The following SPIDR variants were observed in gnomAD, a reference collection of about 807,000 sequenced individuals.
The protein encoded by SPIDR is scaffold protein involved in DNA repair, also known as DNA repair-scaffolding protein.
A neutral mutation model predicts 104.6 loss-of-function variants in SPIDR; 93 were observed. That is an observed-to-expected ratio of 0.89 (90% CI 0.75 to 1.06). The LOEUF (loss-of-function observed/expected upper bound fraction) is 1.06, where lower values mean the gene tolerates loss of function less well. Among genes scored for constraint, SPIDR ranks in the 50% least tolerant of loss-of-function variants. The probability of loss-of-function intolerance (pLI) is 0.00; values close to 1 mark genes in which losing one functional copy is unlikely to be tolerated. For synonymous variants in SPIDR, 431 were observed against 416.9 expected (o/e 1.03, Z -0.41); for missense variants, 1,154 against 1,111.2 (o/e 1.04, Z -0.55).
intron 17 of SPIDR, 32 bp from the exon 18 acceptor site, chr8:47,728,901 G>A (rs2084747599): frequency 3.8e-6 from 6 of 1,587,700 alleles, no homozygotes; most frequent in Non-Finnish European, 4.3e-6. Context: ...GCCTCCCGGG[G>A]CCTTGTCTTT....
At chr8:47,363,169 G>T (rs1337390536) in intron 5 of SPIDR, among the ~76,000 whole-genome samples, 3 of 146,008 alleles carry the variant, frequency 2.1e-5, no homozygotes, top group South Asian at 2.3e-4. Context: ...AAAAGGTATA[G>T]AAATTAAAGC....
chr8:47,526,070 T>A (rs185595260), intron 8 of SPIDR, among the ~76,000 whole-genome samples: 67 of 152,318 alleles, frequency 4.4e-4, no homozygotes, highest in Non-Finnish European at 7.9e-4. Context: ...GAATCTTGTA[T>A]TCCCCTGAGT....
intron 19 of SPIDR, among the ~76,000 whole-genome samples, chr8:47,731,926 A>G (rs1215463619): frequency 6.6e-6 from 1 of 152,242 alleles, no homozygotes; most frequent in African/African-American, 2.4e-5. Flanking sequence ...TTGAGAACGC[A>G]TGATAAAACG....
At chr8:47,438,276 G>C (rs923041898) in intron 7 of SPIDR, among the ~76,000 whole-genome samples, 2 of 152,186 alleles carry the variant, frequency 1.3e-5, no homozygotes, top group Non-Finnish European at 2.9e-5. Context: ...TTTCAGGCCT[G>C]TGCATTGCTG....
intron 12 of SPIDR, 31 bp downstream of exon 12, chr8:47,700,521 TCA>T (rs763605993): frequency 6.8e-6 from 11 of 1,610,368 alleles, no homozygotes; most frequent in Non-Finnish European, 9.3e-6. Context: ...ACTTCCCCAG[TCA>T]CAGACTACTC....
chr8:47,284,103 TTTGTTGA>T lies in SPIDR; in HGVS notation c.256+12_256+18del. On this transcript the variant is annotated intron_variant, in intron 3 of 19. Transcript: ENST00000297423. ...CCCTAGACCCAAGCAAGGTAACTAT[TTTGTTGA>T]TTTCTTGACAGAGAAGATATAAGAC... is the stretch of plus-strand genomic sequence containing the variant. The T allele has an allele frequency of 1.3e-6, 2 of 1,599,270 alleles. No homozygotes were observed. The highest frequency in any genetic ancestry group is 1.7e-6 in the Non-Finnish European group (2 of 1,172,102).
At chr8:47,281,186 C>A (rs1216785280) in intron 2 of SPIDR, among the ~76,000 whole-genome samples, 2 of 152,124 alleles carry the variant, frequency 1.3e-5, no homozygotes, top group Non-Finnish European at 2.9e-5. Flanking sequence ...AAAAAAAATG[C>A]TAACAATCAT....
chr8:47,616,942 T>C (rs930327996), intron 10 of SPIDR, among the ~76,000 whole-genome samples: 3 of 152,238 alleles, frequency 2.0e-5, no homozygotes, highest in African/African-American at 4.8e-5. Context: ...CTTAGGCTCC[T>C]GTAGACTTTC....
intron 8 of SPIDR, among the ~76,000 whole-genome samples, chr8:47,517,694 T>C (rs1256166346): frequency 6.6e-6 from 1 of 152,240 alleles, no homozygotes; most frequent in Non-Finnish European, 1.5e-5. Context: ...AAAAGAAATT[T>C]GTGAAATTAT....
chr8:47,317,670 C>A (rs1231886539), intron 5 of SPIDR, among the ~76,000 whole-genome samples: 1 of 152,058 alleles, frequency 6.6e-6, no homozygotes, highest in African/African-American at 2.4e-5. Context: ...CTGACCCCCC[C>A]GAGTAGCTTA....
At chr8:47,299,648 T>A (rs1417629287) in intron 5 of SPIDR, among the ~76,000 whole-genome samples, 1 of 152,022 alleles carries the variant, frequency 6.6e-6, no homozygotes, top group African/African-American at 2.4e-5. Context: ...TTATTGAGAG[T>A]TTTTAGCATG....
In SPIDR at chr8:47,595,922, G is replaced by A. The variant is rs868547404; in HGVS notation, c.1209G>A (p.Pro403=). 5.6e-6 allele frequency: 9 copies of A among 1,614,000 alleles called. No homozygotes were observed. The highest frequency in any genetic ancestry group is 1.1e-5 in the South Asian group (1 of 91,086). ...AAAAAACTTGTGAAGTGTACTGTCC[G>A]GACATACCCCTTCCAAGAAGAAGCA... The part of the protein sequence containing the change: ...DSEKTCEVYC[P]DIPLPRRSIS... Residue 403 remains proline, a synonymous_variant, in exon 9 of 20, where the codon CCG becomes CCA. Transcript: ENST00000297423.
chr8:47,307,540 T>G (rs2043307435), intron 5 of SPIDR, among the ~76,000 whole-genome samples: 3 of 138,606 alleles, frequency 2.2e-5, no homozygotes, highest in Admixed American at 1.4e-4. Context: ...TTCGTTTTTT[T>G]TTTTTTTTTT....
chr8:47,717,016 G>A (rs771469991), intron 16 of SPIDR, among the ~76,000 whole-genome samples: 1 of 152,152 alleles, frequency 6.6e-6, no homozygotes, highest in Non-Finnish European at 1.5e-5. Flanking sequence ...CAGGGGTGGA[G>A]CAGACTGCCT....
intron 2 of SPIDR, among the ~76,000 whole-genome samples, chr8:47,282,318 T>C (rs1354779010): frequency 2.0e-5 from 3 of 152,270 alleles, no homozygotes; most frequent in East Asian, 3.8e-4. Context: ...ATGCCAAGCA[T>C]TGACTTCTCT....
At chr8:47,713,464 T>C (rs777692412) in intron 15 of SPIDR, 25 bp from the exon 16 acceptor site, 1 of 1,613,142 alleles carries the variant, frequency 6.2e-7, no homozygotes, top group Non-Finnish European at 8.5e-7. Flanking sequence ...AAGGCTTCAA[T>C]AACCTGAAGT....
chr8:47,658,402 G>T (rs2073347135), intron 10 of SPIDR, among the ~76,000 whole-genome samples: 1 of 150,012 alleles, frequency 6.7e-6, no homozygotes, highest in South Asian at 2.1e-4. Context: ...TGGGCAACAA[G>T]AGAGAAACTC....
At chr8:47,490,085 A>C (rs1167806179) in intron 8 of SPIDR, among the ~76,000 whole-genome samples, 34 of 152,226 alleles carry the variant, frequency 2.2e-4, no homozygotes, top group African/African-American at 8.2e-4. Flanking sequence ...ATGGGAGAAC[A>C]TTTTTGCAAT....
At position 47,338,122 on chromosome 8, in the gene SPIDR, C is replaced by T. The variant is rs150301609; in HGVS notation, c.525+44092C>T. ...GCTTTTCCATTTCTGTACTCTTATCCCCAGCCTGTAGGTCTCTTGCCTGTC... is the reference window on the plus strand; with the variant it reads ...GCTTTTCCATTTCTGTACTCTTATCTCCAGCCTGTAGGTCTCTTGCCTGTC... On this transcript the variant is annotated intron_variant, in intron 5 of 19. Coordinates refer to ENST00000297423, the MANE Select transcript of SPIDR (RefSeq NM_001080394.4). Among the ~76,000 whole-genome samples the T allele has an allele frequency of 2.0e-3, 302 of 152,060 alleles. 1 individual carries two copies. Among genetic ancestry groups the T allele is most frequent in the Non-Finnish European group, 3.3e-3 (223 of 67,992 alleles).
Sources: allele counts gnomAD v4.1 joint callset (sites outside exome capture counted in the v4.1 genomes callset), GRCh38; gene constraint gnomAD v4.1.1; transcripts MANE v1.5; gene names NCBI Gene and HGNC (gene_info 2026-07-23, HGNC 2026-07-21).